TBCK: variants seen among roughly 807,000 people sequenced by gnomAD.
The protein encoded by TBCK is TBC domain-containing protein kinase-like protein.
A neutral mutation model predicts 113.4 loss-of-function variants in TBCK; 99 were observed. That is an observed-to-expected ratio of 0.87 (90% CI 0.74 to 1.03). The LOEUF (loss-of-function observed/expected upper bound fraction) is 1.03, where lower values mean the gene tolerates loss of function less well. Ranked by LOEUF, TBCK falls within the 50% of genes least tolerant of loss-of-function variation. The pLI is 0.00. For synonymous variants in TBCK, 369 were observed against 370.8 expected, an observed-to-expected ratio of 1.00 and a Z score of 0.05; for missense variants, 1,045 against 1,061.3, an observed-to-expected ratio of 0.98 and a Z score of 0.21.
chr4:106,274,079 G>A (rs1366676648), intron 3 of TBCK, among the ~76,000 whole-genome samples: 1 of 152,058 alleles, frequency 6.6e-6, no homozygotes, highest in Non-Finnish European at 1.5e-5. Context: ...TGAAGCTCTG[G>A]GCCAGGAACT....
At chr4:106,294,262 T>G (rs1316912644) in intron 3 of TBCK, among the ~76,000 whole-genome samples, 4 of 151,006 alleles carry the variant, frequency 2.6e-5, no homozygotes, top group Non-Finnish European at 2.9e-5. Flanking sequence ...GCATCGCGGC[T>G]CACCACAACC....
At chr4:106,050,246 T>C (rs150960136) in intron 25 of TBCK, among the ~76,000 whole-genome samples, 1 of 152,016 alleles carries the variant, frequency 6.6e-6, no homozygotes, top group East Asian at 1.9e-4. Context: ...TAGCACTGAA[T>C]GGCAAAACAG....
In TBCK at chr4:106,046,077, T is replaced by C. The variant is rs1734192632; in HGVS notation, c.*493A>G. 1 of 152,772 alleles carries C rather than the reference T, an allele frequency of 6.5e-6. No individual in the cohort carries two copies. Among genetic ancestry groups the C allele is most frequent in the African/African-American group, 2.4e-5 (1 of 41,412 alleles). 9.5% of individuals were successfully genotyped at this position (152,772 alleles called of 1,614,324 possible). A position where few individuals can be genotyped will look rare whatever the true frequency, so the allele number is the denominator to read the frequency against. On this transcript the variant is annotated 3_prime_UTR_variant, in exon 26 of 26. Coordinates refer to ENST00000394708, the MANE Select transcript of TBCK (RefSeq NM_001163435.3). ...ACACACACACACACACACATCCCCCTTGTTTGGGTGAAATGAGTTACTAAA... is the reference window on the plus strand; with the variant it reads ...ACACACACACACACACACATCCCCCCTGTTTGGGTGAAATGAGTTACTAAA...
rs1414323177 is a variant in TBCK at position 106,046,120 on chromosome 4, A to C, written c.*450T>G. The C allele has an allele frequency of 6.5e-6, 1 of 153,342 alleles. No homozygotes were observed. The highest frequency in any genetic ancestry group is 1.5e-5 in the Non-Finnish European group (1 of 68,900). The allele number at this position is 153,342 out of a possible 1,614,324, so 9.5% of individuals were successfully genotyped here. A position where few individuals can be genotyped will look rare whatever the true frequency, so the allele number is the denominator to read the frequency against. ...TTACTAAATGTAGCATTTATTTATA[A>C]GGAATGCATTGTGAATAGTTTCTCA... is the stretch of plus-strand genomic sequence containing the variant. On this transcript the variant is annotated 3_prime_UTR_variant, in exon 26 of 26. Coordinates refer to ENST00000394708, the MANE Select transcript of TBCK (RefSeq NM_001163435.3).
chr4:106,131,412 A>C (rs1161115261), intron 23 of TBCK, among the ~76,000 whole-genome samples: 1 of 152,228 alleles, frequency 6.6e-6, no homozygotes, highest in East Asian at 1.9e-4. Context: ...TGGGAGTTTG[A>C]GACCAGCCTG....
At chr4:106,050,006 C>A (rs529044016) in intron 25 of TBCK, among the ~76,000 whole-genome samples, 2 of 151,924 alleles carry the variant, frequency 1.3e-5, no homozygotes, top group Non-Finnish European at 2.9e-5. Context: ...AATTCCTATA[C>A]GTATATGTGG....
intron 25 of TBCK, among the ~76,000 whole-genome samples, chr4:106,082,923 A>G (rs1739064472): frequency 2.0e-5 from 3 of 152,378 alleles, no homozygotes; most frequent in African/African-American, 7.2e-5. Flanking sequence ...CAGCCAGGGG[A>G]AACTGTGCTT....
At chr4:106,148,749 G>A (rs914867725) in intron 23 of TBCK, among the ~76,000 whole-genome samples, 1 of 152,170 alleles carries the variant, frequency 6.6e-6, no homozygotes, top group Non-Finnish European at 1.5e-5. Context: ...AAGAGCCCTA[G>A]GATTTTGGAA....
chr4:106,252,591 C>G (rs1052286070), intron 5 of TBCK, among the ~76,000 whole-genome samples: 8 of 151,934 alleles, frequency 5.3e-5, no homozygotes, highest in Admixed American at 5.2e-4. Context: ...TTTAAAAACA[C>G]AAGTATAGAG....
intron 1 of TBCK, among the ~76,000 whole-genome samples, chr4:106,311,200 TACACACACACACACACAC>T (rs36011277): frequency 1.4e-4 from 20 of 138,286 alleles, no homozygotes; most frequent in African/African-American, 4.0e-4. Context: ...CAGAAACTCC[TACACACACACACACACAC>T]ACACACACAC....
chr4:106,308,883 G>A lies in TBCK; in HGVS notation c.78C>T (p.Ser26=). The part of the protein sequence containing the change: ...ASALPHDVCG[S]NGLPLTPNSI... Reference sequence around the variant, plus strand: ...AATTTGGTGTGAGAGGAAGTCCATTGCTTCCACAAACATCATGTGGCAGAG... The same window carrying A: ...AATTTGGTGTGAGAGGAAGTCCATTACTTCCACAAACATCATGTGGCAGAG... Residue 26 remains serine, a synonymous_variant, in exon 2 of 26, where the codon AGC becomes AGT. Transcript: ENST00000394708. 1 of 1,614,080 alleles carries A rather than the reference G, an allele frequency of 6.2e-7. No homozygotes were observed. The highest frequency in any genetic ancestry group is 8.5e-7 in the Non-Finnish European group (1 of 1,179,970).
chr4:106,297,981 G>C (rs954536310), intron 2 of TBCK, among the ~76,000 whole-genome samples: 8 of 152,138 alleles, frequency 5.3e-5, no homozygotes, highest in Admixed American at 6.5e-5. Context: ...CTGATTGTTA[G>C]CTTTTATTAT....
chr4:106,245,574 T>A (rs576158665), intron 10 of TBCK, among the ~76,000 whole-genome samples: 27 of 152,182 alleles, frequency 1.8e-4, no homozygotes, highest in African/African-American at 6.0e-4. Flanking sequence ...CTAGAACGAG[T>A]TGGAGCTTGA....
intron 5 of TBCK, among the ~76,000 whole-genome samples, chr4:106,254,512 G>A (rs1214552682): frequency 6.6e-6 from 1 of 152,022 alleles, no homozygotes; most frequent in Non-Finnish European, 1.5e-5. Flanking sequence ...TCTCTTTACG[G>A]TATCTGTTTA....
chr4:106,046,859 G>A (rs150644966), intron 25 of TBCK, among the ~76,000 whole-genome samples, 179 bp from the exon 26 acceptor site: 18 of 152,050 alleles, frequency 1.2e-4, no homozygotes, highest in Admixed American at 2.6e-4. Context: ...ATATGCTGAC[G>A]CTGACAATTT....
chr4:106,146,203 AATACAT>A (rs536379474), intron 23 of TBCK, among the ~76,000 whole-genome samples: 1,754 of 152,228 alleles, frequency 0.012, 14 homozygotes, highest in Middle Eastern at 0.034. Context: ...ATATACATGT[AATACAT>A]ATACATATAC....
At chr4:106,256,120 G>A (rs991395837) in intron 5 of TBCK, among the ~76,000 whole-genome samples, 1 of 152,146 alleles carries the variant, frequency 6.6e-6, no homozygotes, top group Non-Finnish European at 1.5e-5. Flanking sequence ...CACGTCCATT[G>A]GTCCATGGGC....
intron 3 of TBCK, among the ~76,000 whole-genome samples, chr4:106,282,082 A>C (rs2125789970): frequency 6.6e-6 from 1 of 152,176 alleles, no homozygotes; most frequent in East Asian, 1.9e-4. Flanking sequence ...CCATCTCATT[A>C]CTGGTTATAG....
chr4:106,228,941 G>A (rs533802043), intron 19 of TBCK, among the ~76,000 whole-genome samples: 1 of 152,004 alleles, frequency 6.6e-6, no homozygotes, highest in East Asian at 1.9e-4. Flanking sequence ...GCCATTTTAA[G>A]CAGAGTGACA....
Sources: gnomAD v4.1 joint callset for allele counts (sites outside exome capture counted in the v4.1 genomes callset) on GRCh38, gnomAD v4.1.1 for gene constraint, MANE v1.5 for transcripts, NCBI Gene and HGNC (gene_info 2026-07-23, HGNC 2026-07-21) for gene names.